DPP10: variants seen among roughly 807,000 people sequenced by gnomAD.
The protein encoded by DPP10 is inactive dipeptidyl peptidase 10.
DPP10 carries 33 observed loss-of-function variants against 120.9 expected under a neutral mutation model. The observed-to-expected ratio is 0.27, with a 90% CI of 0.21 to 0.37. DPP10 has a LOEUF of 0.37. Ranked by LOEUF, DPP10 falls within the 10% of genes least tolerant of loss-of-function variation. The pLI, the probability that DPP10 is intolerant of heterozygous loss-of-function variation, is 1.00. For synonymous variants in DPP10, 337 were observed against 326.1 expected (o/e 1.03, Z -0.36); for missense variants, 816 against 942.8 (o/e 0.87, Z 1.76).
At chr2:115,583,798 G>A (rs1486935461) in intron 5 of DPP10, among the ~76,000 whole-genome samples, 4 of 152,168 alleles carry the variant, frequency 2.6e-5, no homozygotes, top group African/African-American at 7.2e-5. Flanking sequence ...CACATTTCAT[G>A]TAGTTCTACT....
chr2:115,323,664 G>C (rs1607914), intron 2 of DPP10, among the ~76,000 whole-genome samples: 107,474 of 152,096 alleles, frequency 0.71, 38,899 homozygotes, highest in Non-Finnish European at 0.78. Flanking sequence ...TTGATCCGTA[G>C]GCTGCAGAAT....
intron 1 of DPP10, among the ~76,000 whole-genome samples, chr2:115,259,003 G>A (rs1574198411): frequency 6.6e-6 from 1 of 152,246 alleles, no homozygotes; most frequent in Non-Finnish European, 1.5e-5. Context: ...GCAAAGTTAA[G>A]TCATTTCTCT....
chr2:115,361,306 T>G (rs996746839), intron 3 of DPP10, among the ~76,000 whole-genome samples: 1 of 152,036 alleles, frequency 6.6e-6, no homozygotes, highest in South Asian at 2.1e-4. Flanking sequence ...GGCATGCAGC[T>G]TTGTCCTTCT....
chr2:115,465,346 G>A (rs1294596895), intron 3 of DPP10, among the ~76,000 whole-genome samples: 1 of 152,012 alleles, frequency 6.6e-6, no homozygotes, highest in Non-Finnish European at 1.5e-5. Flanking sequence ...AGATTTTATA[G>A]GCTTTGGAAG....
chr2:114,906,184 C>T (rs1693944225), intron 1 of DPP10, among the ~76,000 whole-genome samples: 1 of 151,796 alleles, frequency 6.6e-6, no homozygotes. Context: ...TAGAGACCAG[C>T]CTGGCCAAAA....
intron 1 of DPP10, among the ~76,000 whole-genome samples, chr2:114,638,584 C>G (rs1430763549): frequency 6.6e-6 from 1 of 151,796 alleles, no homozygotes; most frequent in East Asian, 1.9e-4. Context: ...GATACCATCT[C>G]CCACTAGTCA....
chr2:115,063,530 C>T (rs1706588477), intron 1 of DPP10, among the ~76,000 whole-genome samples: 1 of 152,148 alleles, frequency 6.6e-6, no homozygotes. Flanking sequence ...TACAAGGCTA[C>T]AGTAACCAAA....
chr2:115,604,460 A>G (rs915060631), intron 5 of DPP10, among the ~76,000 whole-genome samples: 1 of 152,172 alleles, frequency 6.6e-6, no homozygotes, highest in Non-Finnish European at 1.5e-5. Flanking sequence ...CTCAACCTGG[A>G]CTATTTTAGC....
chr2:115,510,425 G>T (rs1436660087), intron 4 of DPP10, among the ~76,000 whole-genome samples: 3 of 151,678 alleles, frequency 2.0e-5, no homozygotes, highest in Non-Finnish European at 4.4e-5. Flanking sequence ...TTTTTCTGTT[G>T]AATAATTTTG....
intron 1 of DPP10, chr2:115,064,446 G>A (rs1282764697): frequency 4.5e-6 from 1 of 220,058 alleles, no homozygotes; most frequent in Admixed American, 4.5e-5. Flanking sequence ...GAAGCTATAT[G>A]ACTGTGGCTC....
chr2:115,680,282 A>G (rs979422380), intron 5 of DPP10, among the ~76,000 whole-genome samples: 1 of 152,002 alleles, frequency 6.6e-6, no homozygotes, highest in South Asian at 2.1e-4. Context: ...AAGATGTTTT[A>G]AGTAGTCAAT....
chr2:114,489,167 T>C (rs530135991), intron 1 of DPP10, among the ~76,000 whole-genome samples: 24 of 152,354 alleles, frequency 1.6e-4, no homozygotes, highest in South Asian at 1.5e-3. Flanking sequence ...GGATCCCTTA[T>C]GTATTTATAA....
chr2:115,462,484 G>A (rs1431498783), intron 3 of DPP10, among the ~76,000 whole-genome samples: 2 of 151,828 alleles, frequency 1.3e-5, no homozygotes, highest in Non-Finnish European at 2.9e-5. Context: ...AAATTCCTTG[G>A]TATGACACAC....
At chr2:114,972,546 A>G (rs534898773) in intron 1 of DPP10, among the ~76,000 whole-genome samples, 1 of 152,088 alleles carries the variant, frequency 6.6e-6, no homozygotes, top group African/African-American at 2.4e-5. Flanking sequence ...GGTGGATCTC[A>G]GGATGATGGA....
intron 5 of DPP10, among the ~76,000 whole-genome samples, chr2:115,620,582 T>A (rs1168265205): frequency 6.6e-6 from 1 of 152,218 alleles, no homozygotes; most frequent in Non-Finnish European, 1.5e-5. Flanking sequence ...TCTGGTTGTG[T>A]TGATGCTTTG....
intron 5 of DPP10, among the ~76,000 whole-genome samples, chr2:115,679,644 AG>A (rs2090513072): frequency 6.6e-6 from 1 of 152,262 alleles, no homozygotes; most frequent in African/African-American, 2.4e-5. Context: ...TAAATATACA[AG>A]GGAATAATAT....
In DPP10 at chr2:115,843,281, A is replaced by G. The variant is rs1283938845; in HGVS notation, c.*936A>G. 1 of 152,608 alleles carries G rather than the reference A, an allele frequency of 6.6e-6. No individual in the cohort carries two copies. Among genetic ancestry groups the G allele is most frequent in the Non-Finnish European group, 1.5e-5 (1 of 68,026 alleles). 9.5% of individuals were successfully genotyped at this position (152,608 alleles called of 1,614,324 possible). On this transcript the variant is annotated 3_prime_UTR_variant, in exon 26 of 26. Coordinates refer to ENST00000410059, the MANE Select transcript of DPP10 (RefSeq NM_020868.6). Reference sequence around the variant, plus strand: ...ATACCTTGTCACATGTAAATTAGATACTTAAATATTAAATTATAGTTTCTG... The same window carrying G: ...ATACCTTGTCACATGTAAATTAGATGCTTAAATATTAAATTATAGTTTCTG...
chr2:115,576,419 G>A (rs886597979), intron 5 of DPP10, among the ~76,000 whole-genome samples: 1 of 152,126 alleles, frequency 6.6e-6, no homozygotes, highest in South Asian at 2.1e-4. Flanking sequence ...TGAGTCTCAG[G>A]TTCCTAATCT....
At chr2:115,734,437 A>G (rs2092984444) in intron 8 of DPP10, among the ~76,000 whole-genome samples, 1 of 151,926 alleles carries the variant, frequency 6.6e-6, no homozygotes, top group Non-Finnish European at 1.5e-5. Context: ...GGGCGGATCA[A>G]CTGAAGTCTG....
Sources: gnomAD v4.1 joint callset for allele counts (sites outside exome capture counted in the v4.1 genomes callset) on GRCh38, gnomAD v4.1.1 for gene constraint, MANE v1.5 for transcripts, NCBI Gene and HGNC (gene_info 2026-07-23, HGNC 2026-07-21) for gene names.